The following PRKG1 variants were observed in gnomAD, a reference collection of about 807,000 sequenced individuals.
PRKG1 encodes the protein cGMP-dependent protein kinase 1.
A neutral mutation model predicts 88.1 loss-of-function variants in PRKG1; 35 were observed. The ratio of observed to expected loss-of-function variants is 0.40; its 90% CI spans 0.30 to 0.53. PRKG1 has a LOEUF of 0.53. Ranked by LOEUF, PRKG1 falls within the 20% of genes least tolerant of loss-of-function variation. PRKG1 has a pLI of 0.59. For missense variants in PRKG1, 540 were observed against 839.8 expected (o/e 0.64, Z 4.41); for synonymous variants, 303 against 292.5 (o/e 1.04, Z -0.37).
intron 1 of PRKG1, among the ~76,000 whole-genome samples, chr10:50,992,254 G>C (rs893705508): frequency 1.3e-5 from 2 of 152,184 alleles, no homozygotes; most frequent in African/African-American, 4.8e-5. Flanking sequence ...CCTGGAGCGT[G>C]GGGGCGAGGA....
intron 9 of PRKG1, among the ~76,000 whole-genome samples, chr10:52,213,184 A>C (rs1254214041): frequency 2.0e-5 from 3 of 152,232 alleles, no homozygotes; most frequent in African/African-American, 7.2e-5. Flanking sequence ...AAAAAATAAA[A>C]ATAAAAATAA....
At chr10:51,149,893 C>A (rs1215260491) in intron 1 of PRKG1, among the ~76,000 whole-genome samples, 1 of 151,924 alleles carries the variant, frequency 6.6e-6, no homozygotes, top group African/African-American at 2.4e-5. Flanking sequence ...AGCCAGACAG[C>A]CAGAATACCA....
intron 3 of PRKG1, among the ~76,000 whole-genome samples, chr10:51,648,471 A>G (rs1839965819): frequency 6.6e-6 from 1 of 152,160 alleles, no homozygotes; most frequent in Non-Finnish European, 1.5e-5. Context: ...CATTTAATAC[A>G]GTAGTCATGA....
At chr10:52,284,390 A>T (rs1287065262) in intron 14 of PRKG1, among the ~76,000 whole-genome samples, 1 of 151,968 alleles carries the variant, frequency 6.6e-6, no homozygotes, top group African/African-American at 2.4e-5. Flanking sequence ...TTCAAGAAAT[A>T]ACAAGACAGA....
chr10:51,574,078 A>C (rs184256813), intron 3 of PRKG1, among the ~76,000 whole-genome samples: 53 of 152,074 alleles, frequency 3.5e-4, no homozygotes, highest in South Asian at 1.9e-3. Context: ...TGGCCCCAGG[A>C]ATTCAAAAAC....
rs1564498475 is a variant in PRKG1, at chr10:52,166,818, T to TAC, written c.1076+4855_1076+4856insAC. 8.4e-3 allele frequency among the ~76,000 whole-genome samples: 19 copies of TAC among 2,272 alleles called. 1 individual carries two copies. Among genetic ancestry groups the TAC allele is most frequent in the Non-Finnish European group, 0.033 (13 of 398 alleles). 1.5% of individuals were successfully genotyped at this position (2,272 alleles called of 152,430 possible). On this transcript the variant is annotated intron_variant, in intron 9 of 17. Transcript: ENST00000373980. The stretch of plus-strand genomic sequence containing the variant: ...ATATACATATATATATGTATATATA[T>TAC]GTATATATATGTATATATATGTATA...
In PRKG1 at chr10:51,618,936, T is replaced by A. The variant is rs977791317; in HGVS notation, c.592+151100T>A. Among the ~76,000 whole-genome samples, 13 of 6,456 alleles carry A rather than the reference T, an allele frequency of 2.0e-3. No individual in the cohort carries two copies. In the East Asian group the frequency reaches 0.08, roughly 40 times the overall value. The allele number at this position is 6,456 out of a possible 152,430, so 4.2% of individuals were successfully genotyped here. A position where few individuals can be genotyped will look rare whatever the true frequency, so the allele number is the denominator to read the frequency against. On this transcript the variant is annotated intron_variant, in intron 3 of 17. Transcript: ENST00000373980. ...GGTGTAAGCCACCACACCCAGCTAA[T>A]TTTTTTTTTTTTTTTTTTTTAGTAG...
At chr10:51,083,956 A>G (rs1844181589) in intron 1 of PRKG1, among the ~76,000 whole-genome samples, 2 of 152,222 alleles carry the variant, frequency 1.3e-5, no homozygotes, top group Admixed American at 1.3e-4. Flanking sequence ...AGCACTTTAT[A>G]TAAGCAATGA....
intron 5 of PRKG1, among the ~76,000 whole-genome samples, chr10:52,023,592 T>A (rs1845245816): frequency 6.6e-6 from 1 of 152,226 alleles, no homozygotes; most frequent in Non-Finnish European, 1.5e-5. Flanking sequence ...TTCCTGACTT[T>A]TTAATGATCA....
chr10:52,057,234 C>A (rs557633074), intron 6 of PRKG1, among the ~76,000 whole-genome samples: 1 of 152,264 alleles, frequency 6.6e-6, no homozygotes, highest in South Asian at 2.1e-4. Flanking sequence ...TTTATTCTTC[C>A]ATTAAGCACA....
At chr10:51,783,268 C>T (rs1465964548) in intron 3 of PRKG1, among the ~76,000 whole-genome samples, 1 of 151,912 alleles carries the variant, frequency 6.6e-6, no homozygotes, top group Non-Finnish European at 1.5e-5. Context: ...AGACCAATGG[C>T]TCTTTTTAAA....
At chr10:51,608,410 G>A (rs1838821450) in intron 3 of PRKG1, among the ~76,000 whole-genome samples, 1 of 149,118 alleles carries the variant, frequency 6.7e-6, no homozygotes, top group African/African-American at 2.6e-5. Flanking sequence ...TTGAAGTCAT[G>A]GGACAGGGAG....
chr10:50,998,442 T>C (rs1336285069), intron 1 of PRKG1, among the ~76,000 whole-genome samples: 2 of 152,160 alleles, frequency 1.3e-5, no homozygotes, highest in African/African-American at 2.4e-5. Context: ...TTATTAATCG[T>C]TCATGTTGAA....
intron 3 of PRKG1, among the ~76,000 whole-genome samples, chr10:51,553,140 A>G (rs1190388901): frequency 6.6e-6 from 1 of 151,656 alleles, no homozygotes; most frequent in Non-Finnish European, 1.5e-5. Context: ...AATTTTGTTG[A>G]CTCATTCAAA....
At chr10:51,528,279 A>G (rs1841931670) in intron 3 of PRKG1, among the ~76,000 whole-genome samples, 1 of 152,210 alleles carries the variant, frequency 6.6e-6, no homozygotes, top group South Asian at 2.1e-4. Context: ...GTAGTTATGT[A>G]AAAGTTCTGG....
intron 1 of PRKG1, among the ~76,000 whole-genome samples, chr10:51,015,153 A>T (rs556951982): frequency 6.6e-6 from 1 of 152,332 alleles, no homozygotes; most frequent in East Asian, 1.9e-4. Flanking sequence ...CTTTGATTGC[A>T]ACCCTTACTG....
intron 4 of PRKG1, among the ~76,000 whole-genome samples, chr10:51,880,409 C>T (rs59431116): frequency 6.6e-6 from 1 of 152,122 alleles, no homozygotes; most frequent in African/African-American, 2.4e-5. Flanking sequence ...TCTACTGGCT[C>T]TGCTCTGTCT....
At chr10:51,026,255 G>A (rs1244186394) in intron 1 of PRKG1, among the ~76,000 whole-genome samples, 1 of 152,128 alleles carries the variant, frequency 6.6e-6, no homozygotes, top group East Asian at 1.9e-4. Flanking sequence ...CACCCACCCT[G>A]TAGCACTTTG....
At chr10:51,220,855 A>T (rs1255713519) in intron 2 of PRKG1, among the ~76,000 whole-genome samples, 1 of 152,180 alleles carries the variant, frequency 6.6e-6, no homozygotes, top group Non-Finnish European at 1.5e-5. Flanking sequence ...GAGGTGTACT[A>T]AAATTTATAA....
Sources: gnomAD v4.1 joint callset for allele counts (sites outside exome capture counted in the v4.1 genomes callset) on GRCh38, gnomAD v4.1.1 for gene constraint, MANE v1.5 for transcripts, NCBI Gene and HGNC (gene_info 2026-07-23, HGNC 2026-07-21) for gene names.